CRY1: variants seen among roughly 807,000 people sequenced by gnomAD.
CRY1 encodes cryptochrome-1.
CRY1 carries 45 observed loss-of-function variants against 76.0 expected under a neutral mutation model. The ratio of observed to expected loss-of-function variants is 0.59; its 90% CI spans 0.47 to 0.76. The LOEUF (loss-of-function observed/expected upper bound fraction) is 0.76, where lower values mean the gene tolerates loss of function less well. Among genes scored for constraint, CRY1 ranks in the 30% least tolerant of loss-of-function variants. The pLI is 0.00. For synonymous variants in CRY1, 248 were observed against 244.0 expected, an observed-to-expected ratio of 1.02 and a Z score of -0.15; for missense variants, 587 against 716.4, an observed-to-expected ratio of 0.82 and a Z score of 2.06.
intron 2 of CRY1, 79 bp from the exon 3 acceptor site, chr12:107,005,327 G>A: frequency 7.1e-7 from 1 of 1,412,296 alleles, no homozygotes; most frequent in Non-Finnish European, 9.5e-7. Context: ...TGAAAAAGCT[G>A]AAAATCTACA....
chr12:107,087,466 A>G (rs1415313672), intron 1 of CRY1, among the ~76,000 whole-genome samples: 1 of 152,258 alleles, frequency 6.6e-6, no homozygotes, highest in Non-Finnish European at 1.5e-5. Context: ...ATGGGACAAG[A>G]GTCAAGCGAG....
chr12:107,085,328 A>G (rs1953384355), intron 1 of CRY1, among the ~76,000 whole-genome samples: 1 of 152,200 alleles, frequency 6.6e-6, no homozygotes, highest in Non-Finnish European at 1.5e-5. Flanking sequence ...TACCCAAAGG[A>G]TTATAAATCA....
At chr12:107,053,960 G>A (rs1467630665) in intron 1 of CRY1, among the ~76,000 whole-genome samples, 1 of 152,090 alleles carries the variant, frequency 6.6e-6, no homozygotes, top group Non-Finnish European at 1.5e-5. Context: ...TGTAAACAAG[G>A]CCAGTATCTT....
chr12:107,084,349 C>T (rs1280907122), intron 1 of CRY1, among the ~76,000 whole-genome samples: 2 of 151,970 alleles, frequency 1.3e-5, no homozygotes, highest in Non-Finnish European at 2.9e-5. Context: ...TCATATGGAA[C>T]CAAAAAAAGA....
At chr12:106,992,462 C>T (rs1952189535) in intron 12 of CRY1, 1 of 179,036 alleles carries the variant, frequency 5.6e-6, no homozygotes, top group Non-Finnish European at 1.2e-5. Context: ...AAACAGGCCA[C>T]TTTAATTGTT....
chr12:107,014,750 T>C (rs1952480832), intron 2 of CRY1, among the ~76,000 whole-genome samples: 1 of 152,196 alleles, frequency 6.6e-6, no homozygotes, highest in Admixed American at 6.5e-5. Flanking sequence ...CCTCCCTTGG[T>C]ATCTGCAGGA....
chr12:107,006,638 C>CA (rs71076707), intron 2 of CRY1, among the ~76,000 whole-genome samples: 1 of 137,108 alleles, frequency 7.3e-6, no homozygotes, highest in African/African-American at 2.8e-5. Context: ...TATTAGTAAT[C>CA]TTTTTTTTTT....
In CRY1 at chr12:107,093,140, C is replaced by A; in HGVS notation, c.-179G>T. The A allele has an allele frequency of 1.4e-6, 1 of 698,618 alleles. No homozygotes were observed. The highest frequency in any genetic ancestry group is 2.2e-6 in the Non-Finnish European group (1 of 448,464). 43.3% of individuals were successfully genotyped at this position (698,618 alleles called of 1,614,324 possible). A position where few individuals can be genotyped will look rare whatever the true frequency, so the allele number is the denominator to read the frequency against. ...CCGGAGAAGGCGGGGGCGCCGGAGG[C>A]GCAGTGGAAAGATGAATGGAGGTTG... is the stretch of plus-strand genomic sequence containing the variant. On this transcript the variant is annotated 5_prime_UTR_variant, in exon 1 of 13. Coordinates refer to ENST00000008527, the MANE Select transcript of CRY1 (RefSeq NM_004075.5).
chr12:107,077,927 C>T (rs1953278172), intron 1 of CRY1, among the ~76,000 whole-genome samples: 2 of 152,014 alleles, frequency 1.3e-5, no homozygotes, highest in South Asian at 4.2e-4. Context: ...TCACCAAAAG[C>T]CTTTGTAACA....
At chr12:107,036,033 G>A (rs965541733) in intron 1 of CRY1, among the ~76,000 whole-genome samples, 1 of 152,160 alleles carries the variant, frequency 6.6e-6, no homozygotes, top group Non-Finnish European at 1.5e-5. Flanking sequence ...ATCTTCTAAT[G>A]GTGACTTTAC....
chr12:107,038,170 G>T (rs1045141934), intron 1 of CRY1, among the ~76,000 whole-genome samples: 1 of 152,214 alleles, frequency 6.6e-6, no homozygotes, highest in South Asian at 2.1e-4. Flanking sequence ...TGGTAAAAGA[G>T]TGGGGATCTG....
intron 1 of CRY1, among the ~76,000 whole-genome samples, chr12:107,035,219 G>GT (rs1476994461): frequency 9.2e-5 from 14 of 152,138 alleles, no homozygotes; most frequent in African/African-American, 3.4e-4. Context: ...CTTAGCACAT[G>GT]TAACTATTCA....
At chr12:107,035,713 G>A (rs992635651) in intron 1 of CRY1, among the ~76,000 whole-genome samples, 1 of 152,132 alleles carries the variant, frequency 6.6e-6, no homozygotes. Context: ...AATTTTTATG[G>A]AGAAAACTAA....
chr12:107,068,396 T>C (rs1953138447), intron 1 of CRY1, among the ~76,000 whole-genome samples: 1 of 152,112 alleles, frequency 6.6e-6, no homozygotes, highest in Admixed American at 6.6e-5. Context: ...CTCCTTGGTT[T>C]AAGCAATTCC....
At chr12:107,064,118 C>G (rs1396870134) in intron 1 of CRY1, among the ~76,000 whole-genome samples, 1 of 151,916 alleles carries the variant, frequency 6.6e-6, no homozygotes, top group East Asian at 1.9e-4. Flanking sequence ...TCTATTACGA[C>G]CGGGATGGAA....
At chr12:107,073,344 T>C (rs1411189448) in intron 1 of CRY1, among the ~76,000 whole-genome samples, 1 of 152,058 alleles carries the variant, frequency 6.6e-6, no homozygotes, top group Non-Finnish European at 1.5e-5. Flanking sequence ...ACTGATCCTC[T>C]TGCCTCAGCC....
rs1952564807 is a variant in CRY1, at chr12:107,022,070, AT to A, written c.267+13del. The A allele has an allele frequency of 1.9e-6, 3 of 1,558,794 alleles. No homozygotes were observed. The highest frequency in any genetic ancestry group is 2.6e-6 in the Non-Finnish European group (3 of 1,137,204). On this transcript the variant is annotated intron_variant, in intron 2 of 12. Coordinates refer to ENST00000008527, the MANE Select transcript of CRY1 (RefSeq NM_004075.5). ...TGAGAAAAGATTGTTTTATGCAAAT[AT>A]TTTTCAAATTACCTTGAAAAGCCTG...
At chr12:107,041,437 G>A (rs1200068032) in intron 1 of CRY1, among the ~76,000 whole-genome samples, 2 of 152,176 alleles carry the variant, frequency 1.3e-5, no homozygotes, top group Admixed American at 6.6e-5. Context: ...AGCAGCTTAA[G>A]TTGATCTTTA....
At chr12:107,005,280 C>G (rs1952360053) in intron 2 of CRY1, 32 bp from the exon 3 acceptor site, 2 of 1,553,040 alleles carry the variant, frequency 1.3e-6, no homozygotes, top group African/African-American at 1.4e-5. Flanking sequence ...CAATGTACAC[C>G]AATTGTAATA....
Sources: allele counts gnomAD v4.1 joint callset (sites outside exome capture counted in the v4.1 genomes callset), GRCh38; gene constraint gnomAD v4.1.1; transcripts MANE v1.5; gene names NCBI Gene and HGNC (gene_info 2026-07-23, HGNC 2026-07-21).